The following FNDC3B variants were observed in gnomAD, a reference collection of about 807,000 sequenced individuals.
The protein encoded by FNDC3B is fibronectin type III domain-containing protein 3B.
A neutral mutation model predicts 151.5 loss-of-function variants in FNDC3B; 12 were observed. That is an observed-to-expected ratio of 0.08 (90% CI 0.05 to 0.13). The LOEUF (loss-of-function observed/expected upper bound fraction) is 0.13, where lower values mean the gene tolerates loss of function less well. FNDC3B is among the 10% of genes least tolerant of loss of function. The pLI, the probability that FNDC3B is intolerant of heterozygous loss-of-function variation, is 1.00. For missense variants in FNDC3B, 1,214 were observed against 1,505.3 expected (o/e 0.81, Z 3.20); for synonymous variants, 528 against 549.0 (o/e 0.96, Z 0.54).
chr3:172,205,135 A>ATG (rs764986793), intron 3 of FNDC3B, among the ~76,000 whole-genome samples: 63 of 152,294 alleles, frequency 4.1e-4, no homozygotes, highest in African/African-American at 1.4e-3. Flanking sequence ...TTTTTTTGGC[A>ATG]TATATAACCC....
At chr3:172,293,277 G>A (rs1730433560) in intron 7 of FNDC3B, among the ~76,000 whole-genome samples, 1 of 152,204 alleles carries the variant, frequency 6.6e-6, no homozygotes, top group African/African-American at 2.4e-5. Context: ...GAGGGCATAA[G>A]AGAGGCCAGC....
At chr3:172,110,962 A>C (rs1423558991) in intron 1 of FNDC3B, among the ~76,000 whole-genome samples, 1 of 151,968 alleles carries the variant, frequency 6.6e-6, no homozygotes, top group Non-Finnish European at 1.5e-5. Flanking sequence ...AGGCGGGCAT[A>C]GTGGTGCGTG....
At chr3:172,115,247 T>G (rs1015281158) in intron 2 of FNDC3B, among the ~76,000 whole-genome samples, 6 of 152,126 alleles carry the variant, frequency 3.9e-5, no homozygotes, top group Non-Finnish European at 5.9e-5. Context: ...TGGTAGAGGC[T>G]TGGGGCCTGT....
intron 12 of FNDC3B, chr3:172,330,054 A>G (rs62283205): frequency 6.6e-6 from 1 of 152,460 alleles, no homozygotes; most frequent in Non-Finnish European, 1.5e-5. Context: ...GGGGAAAATG[A>G]ATTCTTAAGT....
At chr3:172,135,503 A>T (rs933413977) in intron 3 of FNDC3B, among the ~76,000 whole-genome samples, 6 of 152,192 alleles carry the variant, frequency 3.9e-5, no homozygotes, top group African/African-American at 1.2e-4. Flanking sequence ...CCAAAACAGA[A>T]TTGTGGAGCC....
At chr3:172,379,640 A>G (rs1446056825) in intron 24 of FNDC3B, among the ~76,000 whole-genome samples, 1 of 152,198 alleles carries the variant, frequency 6.6e-6, no homozygotes, top group Non-Finnish European at 1.5e-5. Flanking sequence ...TTGGCAGTAA[A>G]TGCCCTGGCC....
chr3:172,221,959 A>G (rs1458052423), intron 3 of FNDC3B, among the ~76,000 whole-genome samples: 3 of 152,208 alleles, frequency 2.0e-5, no homozygotes, highest in Non-Finnish European at 4.4e-5. Context: ...GCCAGCAAGA[A>G]TTTCTGTTCC....
chr3:172,236,193 C>CA (rs1165116081), intron 4 of FNDC3B, among the ~76,000 whole-genome samples: 1 of 152,160 alleles, frequency 6.6e-6, no homozygotes, highest in African/African-American at 2.4e-5. Context: ...ATGTGCCACA[C>CA]ATTTGTTTGC....
At chr3:172,350,472 A>C (rs1373206523) in intron 21 of FNDC3B, among the ~76,000 whole-genome samples, 2 of 152,212 alleles carry the variant, frequency 1.3e-5, no homozygotes, top group African/African-American at 4.8e-5. Flanking sequence ...CATTTATATC[A>C]GTACCAAAAT....
chr3:172,334,777 T>C (rs1226649946), intron 14 of FNDC3B, among the ~76,000 whole-genome samples, 167 bp from the exon 15 acceptor site: 2 of 152,242 alleles, frequency 1.3e-5, no homozygotes, highest in African/African-American at 4.8e-5. Context: ...AACTATACAG[T>C]AAATGATTTA....
At chr3:172,095,589 T>G (rs1456213641) in intron 1 of FNDC3B, among the ~76,000 whole-genome samples, 1 of 152,240 alleles carries the variant, frequency 6.6e-6, no homozygotes, top group Admixed American at 6.5e-5. Context: ...CATTTTTCCG[T>G]TAGATTATTT....
At chr3:172,190,152 C>T (rs1393243000) in intron 3 of FNDC3B, among the ~76,000 whole-genome samples, 2 of 152,058 alleles carry the variant, frequency 1.3e-5, no homozygotes, top group Admixed American at 6.6e-5. Flanking sequence ...GGAGTTCAGC[C>T]GACTGGGAGT....
chr3:172,256,164 C>T (rs752806219), intron 6 of FNDC3B, among the ~76,000 whole-genome samples: 4 of 152,194 alleles, frequency 2.6e-5, no homozygotes, highest in Admixed American at 6.5e-5. Context: ...ACCAGACATG[C>T]GGTGTTCTGC....
intron 2 of FNDC3B, among the ~76,000 whole-genome samples, chr3:172,113,839 C>G (rs1720108721): frequency 6.6e-6 from 1 of 152,146 alleles, no homozygotes; most frequent in South Asian, 2.1e-4. Flanking sequence ...GCCCACTTTA[C>G]AGTCTTCACT....
intron 1 of FNDC3B, among the ~76,000 whole-genome samples, chr3:172,061,580 C>A (rs1035146877): frequency 2.7e-4 from 41 of 152,256 alleles, no homozygotes; most frequent in African/African-American, 9.9e-4. Context: ...ATATTCTTTG[C>A]AAGCCGTTTT....
At chr3:172,200,826 T>A (rs975000125) in intron 3 of FNDC3B, among the ~76,000 whole-genome samples, 4 of 152,088 alleles carry the variant, frequency 2.6e-5, no homozygotes, top group African/African-American at 7.2e-5. Context: ...GCTTGAAAAA[T>A]AAAACTGTAC....
intron 6 of FNDC3B, among the ~76,000 whole-genome samples, chr3:172,272,447 T>C (rs1298609932): frequency 6.6e-6 from 1 of 152,124 alleles, no homozygotes; most frequent in Non-Finnish European, 1.5e-5. Context: ...ACCACATCTC[T>C]GGTCAGTGAC....
At chr3:172,289,259 G>A (rs887667231) in intron 7 of FNDC3B, among the ~76,000 whole-genome samples, 8 of 152,096 alleles carry the variant, frequency 5.3e-5, no homozygotes, top group African/African-American at 1.9e-4. Context: ...CCCAGCTTCT[G>A]CTTCCATTCT....
chr3:172,111,096 T>TAAAA (rs1240844592), intron 1 of FNDC3B, among the ~76,000 whole-genome samples: 2 of 104,746 alleles, frequency 1.9e-5, no homozygotes, highest in Admixed American at 1.0e-4. Flanking sequence ...GAGACTCCAT[T>TAAAA]AAAAAAAAAA....
Sources: gnomAD v4.1 joint callset for allele counts (sites outside exome capture counted in the v4.1 genomes callset) on GRCh38, gnomAD v4.1.1 for gene constraint, MANE v1.5 for transcripts, NCBI Gene and HGNC (gene_info 2026-07-23, HGNC 2026-07-21) for gene names.